Variants in HCN1 observed in about 807,000 individuals in gnomAD.
HCN1 encodes the protein hyperpolarization activated cyclic nucleotide gated potassium channel 1.
Under a neutral mutation model 78.9 loss-of-function variants are expected in HCN1, and 13 were observed. That is an observed-to-expected ratio of 0.16 (90% confidence interval 0.11 to 0.26). HCN1 has a LOEUF of 0.26. Among genes scored for constraint, HCN1 ranks in the 10% least tolerant of loss-of-function variants. The probability of loss-of-function intolerance (pLI) is 1.00; values close to 1 mark genes in which losing one functional copy is unlikely to be tolerated. For synonymous variants in HCN1, 552 were observed against 455.5 expected (o/e 1.21, Z -2.70); for missense variants, 810 against 1,154.3 (o/e 0.70, Z 4.32).
At chr5:45,522,419 T>A (rs1022987985) in intron 2 of HCN1, among the ~76,000 whole-genome samples, 20 of 152,104 alleles carry the variant, frequency 1.3e-4, no homozygotes, top group African/African-American at 4.8e-4. Flanking sequence ...CTGTGCAAAA[T>A]GAAAGCACAG....
intron 2 of HCN1, among the ~76,000 whole-genome samples, chr5:45,494,572 T>C (rs1191581910): frequency 6.6e-6 from 1 of 152,044 alleles, no homozygotes; most frequent in Admixed American, 6.6e-5. Context: ...CTGATGGTAG[T>C]TTCTTTTGCT....
intron 2 of HCN1, among the ~76,000 whole-genome samples, chr5:45,482,897 T>C (rs968470878): frequency 2.0e-5 from 3 of 152,234 alleles, no homozygotes; most frequent in Non-Finnish European, 4.4e-5. Flanking sequence ...CTTAGAATTA[T>C]AGCCTCCAGC....
intron 5 of HCN1, among the ~76,000 whole-genome samples, chr5:45,339,936 G>T (rs955927925): frequency 1.3e-5 from 2 of 152,010 alleles, no homozygotes; most frequent in Non-Finnish European, 2.9e-5. Context: ...TTTATTTTTT[G>T]AGACAGAGTT....
intron 2 of HCN1, among the ~76,000 whole-genome samples, chr5:45,637,789 G>A (rs1580011314): frequency 6.6e-6 from 1 of 152,100 alleles, no homozygotes; most frequent in Non-Finnish European, 1.5e-5. Flanking sequence ...TAAAGAATAT[G>A]AGCAAAGAGT....
At chr5:45,282,711 C>T (rs1169834161) in intron 6 of HCN1, among the ~76,000 whole-genome samples, 1 of 152,174 alleles carries the variant, frequency 6.6e-6, no homozygotes, top group Non-Finnish European at 1.5e-5. Flanking sequence ...CAGCTACGTG[C>T]TTCATTCTGT....
rs899112186 is a variant in HCN1 at position 45,616,290 on chromosome 5, C to T, written c.849+28895G>A. Among the ~76,000 whole-genome samples, 5 of 151,640 alleles carry T rather than the reference C, an allele frequency of 3.3e-5. No individual in the cohort carries two copies. The South Asian group carries it at 6.2e-4, about 19-fold the overall frequency. On this transcript the variant is annotated intron_variant, in intron 2 of 7. Transcript: ENST00000303230. ...ATGAGATCACCCAACTTTCAGGAAACGAATAATGGAAAAGTAGAAAAACTT... is the reference window on the plus strand; with the variant it reads ...ATGAGATCACCCAACTTTCAGGAAATGAATAATGGAAAAGTAGAAAAACTT...
intron 2 of HCN1, among the ~76,000 whole-genome samples, chr5:45,592,060 T>TC (rs1013567716): frequency 3.3e-5 from 5 of 152,170 alleles, no homozygotes; most frequent in Admixed American, 2.6e-4. Context: ...ATTATTTTTT[T>TC]CTCCATTGTG....
chr5:45,525,120 G>T (rs1030126380), intron 2 of HCN1, among the ~76,000 whole-genome samples: 14 of 152,002 alleles, frequency 9.2e-5, no homozygotes, highest in African/African-American at 3.4e-4. Flanking sequence ...GATAATCGTG[G>T]TTTTTGTCTT....
intron 2 of HCN1, among the ~76,000 whole-genome samples, chr5:45,583,148 C>G (rs898745279): frequency 7.9e-5 from 12 of 152,142 alleles, no homozygotes; most frequent in Admixed American, 6.5e-5. Flanking sequence ...GTGAATCCAT[C>G]TGGTCCTGGA....
chr5:45,263,718 C>T (rs948369874), intron 7 of HCN1, among the ~76,000 whole-genome samples: 1 of 152,094 alleles, frequency 6.6e-6, no homozygotes, highest in Non-Finnish European at 1.5e-5. Context: ...TACATGGGCT[C>T]TGAATTTCAG....
chr5:45,487,017 T>C (rs911605854), intron 2 of HCN1, among the ~76,000 whole-genome samples: 4 of 152,098 alleles, frequency 2.6e-5, no homozygotes, highest in Non-Finnish European at 5.9e-5. Context: ...TGGTGTTTCC[T>C]GTAAGTCGTC....
chr5:45,306,371 A>G (rs969781669), intron 5 of HCN1, among the ~76,000 whole-genome samples: 8 of 152,120 alleles, frequency 5.3e-5, no homozygotes, highest in Non-Finnish European at 1.0e-4. Flanking sequence ...TAACTTGTTA[A>G]TGATACATTG....
chr5:45,417,822 A>G lies in HCN1; in HGVS notation c.1012-21112T>C, dbSNP rs143503506. ...TATGACTTCATGGTGGAAAATTTCA[A>G]TCCTCCAAATACCTCCCAGAAAAGA... On this transcript the variant is annotated intron_variant, in intron 3 of 7. Coordinates refer to ENST00000303230, the MANE Select transcript of HCN1 (RefSeq NM_021072.4). Among the ~76,000 whole-genome samples the G allele has an allele frequency of 5.9e-3, 890 of 151,386 alleles. 13 individuals carry two copies. The highest frequency in any genetic ancestry group is 0.019 in the African/African-American group (777 of 41,400).
intron 5 of HCN1, among the ~76,000 whole-genome samples, chr5:45,304,969 GAC>G (rs1289225403): frequency 2.0e-5 from 3 of 152,102 alleles, no homozygotes; most frequent in Admixed American, 1.3e-4. Flanking sequence ...TCACTTATGT[GAC>G]ACAGAAGAGA....
chr5:45,556,140 T>G (rs114295136), intron 2 of HCN1, among the ~76,000 whole-genome samples: 1 of 151,842 alleles, frequency 6.6e-6, no homozygotes, highest in African/African-American at 2.4e-5. Flanking sequence ...CCCAGGACAT[T>G]GGACTGGGAA....
intron 6 of HCN1, among the ~76,000 whole-genome samples, chr5:45,284,375 G>T (rs1745228555): frequency 6.6e-6 from 1 of 151,978 alleles, no homozygotes; most frequent in Non-Finnish European, 1.5e-5. Flanking sequence ...AAACATTTTT[G>T]AAATATCTTA....
At chr5:45,614,385 G>T (rs1019051297) in intron 2 of HCN1, among the ~76,000 whole-genome samples, 2 of 152,062 alleles carry the variant, frequency 1.3e-5, no homozygotes, top group Non-Finnish European at 2.9e-5. Flanking sequence ...AAATACACTT[G>T]TAATATCCAT....
intron 2 of HCN1, among the ~76,000 whole-genome samples, chr5:45,541,368 T>C (rs1050506445): frequency 6.6e-6 from 1 of 152,198 alleles, no homozygotes; most frequent in African/African-American, 2.4e-5. Flanking sequence ...AGTGTTACCC[T>C]GCCTTCTTGT....
intron 2 of HCN1, among the ~76,000 whole-genome samples, chr5:45,566,661 A>T (rs1743712447): frequency 6.6e-6 from 1 of 152,196 alleles, no homozygotes; most frequent in Admixed American, 6.5e-5. Flanking sequence ...CAATAAAATG[A>T]GAGGAAAATG....
Sources: allele counts gnomAD v4.1 joint callset (sites outside exome capture counted in the v4.1 genomes callset), GRCh38; gene constraint gnomAD v4.1.1; transcripts MANE v1.5; gene names NCBI Gene and HGNC (gene_info 2026-07-23, HGNC 2026-07-21).